The following PEAK1 variants were observed in gnomAD, a reference collection of about 807,000 sequenced individuals.
PEAK1 encodes the protein pseudopodium enriched atypical kinase 1.
In PEAK1, 54 loss-of-function variants were observed where a neutral mutation model predicts 124.7. The ratio of observed to expected loss-of-function variants is 0.43; its 90% CI spans 0.35 to 0.54. PEAK1 has a LOEUF of 0.54. PEAK1 is among the 20% of genes least tolerant of loss of function. The pLI is 0.01. For missense variants in PEAK1, 2,046 were observed against 2,134.5 expected (o/e 0.96, Z 0.82); for synonymous variants, 719 against 760.0 (o/e 0.95, Z 0.89).
chr15:77,347,969 G>T (rs2066968675), intron 2 of PEAK1: 1 of 984,792 alleles, frequency 1.0e-6, no homozygotes, highest in African/African-American at 1.8e-5. Flanking sequence ...TACTGTATAG[G>T]TTGCATAATG....
intron 5 of PEAK1, among the ~76,000 whole-genome samples, chr15:77,281,031 C>T (rs918781889): frequency 6.6e-6 from 1 of 151,856 alleles, no homozygotes; most frequent in Non-Finnish European, 1.5e-5. Flanking sequence ...GGGGTGACAC[C>T]GGTAATCCTA....
At chr15:77,274,479 T>C (rs2062204707) in intron 5 of PEAK1, among the ~76,000 whole-genome samples, 1 of 151,650 alleles carries the variant, frequency 6.6e-6, no homozygotes, top group Non-Finnish European at 1.5e-5. Flanking sequence ...CAAAAGAAGA[T>C]ATACAAATGG....
intron 2 of PEAK1, chr15:77,337,934 T>C: frequency 1.0e-6 from 1 of 984,440 alleles, no homozygotes. Flanking sequence ...TTGGGGGTGC[T>C]GATAGAAAAA....
At chr15:77,297,007 T>C (rs141423221) in intron 2 of PEAK1, among the ~76,000 whole-genome samples, 1 of 151,900 alleles carries the variant, frequency 6.6e-6, no homozygotes, top group African/African-American at 2.4e-5. Flanking sequence ...ATGACCAAAA[T>C]TGGACTTAAT....
At chr15:77,313,722 G>GTATA (rs1322968176) in intron 2 of PEAK1, among the ~76,000 whole-genome samples, 6 of 104,628 alleles carry the variant, frequency 5.7e-5, no homozygotes, top group African/African-American at 1.7e-4. Flanking sequence ...GTGTGTGTGT[G>GTATA]TGTGTATATA....
At chr15:77,163,211 A>G (rs2152795146) in intron 7 of PEAK1, among the ~76,000 whole-genome samples, 1 of 152,346 alleles carries the variant, frequency 6.6e-6, no homozygotes, top group African/African-American at 2.4e-5. Context: ...TCTTCAACCA[A>G]CTTTCCATTA....
chr15:77,277,632 ATTAT>A lies in PEAK1; in HGVS notation c.-275+6247_-275+6250del, dbSNP rs1342034868. Among the ~76,000 whole-genome samples the A allele has an allele frequency of 8.5e-5, 13 of 152,292 alleles. No homozygotes were observed. The South Asian group carries it at 2.3e-3, about 27-fold the overall frequency. ...TTTAAAAAGTGAATTAATTCTGTGA[ATTAT>A]TTAAGAGCTCACTAATAGGATCACC... On this transcript the variant is annotated intron_variant, in intron 5 of 9. Coordinates refer to ENST00000682557, the MANE Select transcript of PEAK1 (RefSeq NM_001385026.1).
rs11639197 is a variant in PEAK1, at chr15:77,110,886, G to A, written c.*3270C>T. On this transcript the variant is annotated 3_prime_UTR_variant, in exon 10 of 10. Transcript: ENST00000682557. ...AAAGGGCTCACCTCAGCCAGCACAG[G>A]AGGCTTCTTGAAGTTCTAGTCCTCT... 0.27 allele frequency: 40,952 copies of A among 152,212 alleles called. 6,531 individuals carry two copies. The highest frequency in any genetic ancestry group is 0.37 in the Non-Finnish European group (25,210 of 68,016). The allele number at this position is 152,212 out of a possible 1,614,324, so 9.4% of individuals were successfully genotyped here. A position where few individuals can be genotyped will look rare whatever the true frequency, so the allele number is the denominator to read the frequency against.
rs118103869 is a variant in PEAK1 at position 77,256,474 on chromosome 15, G to A, written c.-274-3948C>T. Reference sequence around the variant, plus strand: ...TACTAGGAATCTGATAGCTTACTGAGGAGATTTTTAATCATAAAGTAAGGG... The same window carrying A: ...TACTAGGAATCTGATAGCTTACTGAAGAGATTTTTAATCATAAAGTAAGGG... On this transcript the variant is annotated intron_variant, in intron 5 of 9. Coordinates refer to ENST00000682557, the MANE Select transcript of PEAK1 (RefSeq NM_001385026.1). Among the ~76,000 whole-genome samples the A allele has an allele frequency of 7.1e-3, 1,084 of 152,040 alleles. 7 individuals are homozygous for A. Among genetic ancestry groups the A allele is most frequent in the South Asian group, 0.017 (83 of 4,812 alleles).
At chr15:77,417,346 T>C (rs1397054643) in intron 1 of PEAK1, 27 of 983,534 alleles carry the variant, frequency 2.7e-5, no homozygotes, top group Non-Finnish European at 3.1e-5. Flanking sequence ...TGAAGGTTAC[T>C]AGGATTTCTA....
At chr15:77,171,758 C>T (rs1340866078) in intron 7 of PEAK1, among the ~76,000 whole-genome samples, 2 of 152,128 alleles carry the variant, frequency 1.3e-5, no homozygotes, top group Non-Finnish European at 2.9e-5. Context: ...GCTCACTTTA[C>T]ATTATATGTA....
intron 8 of PEAK1, among the ~76,000 whole-genome samples, chr15:77,142,074 T>C (rs1381391068): frequency 6.6e-6 from 1 of 152,316 alleles, no homozygotes; most frequent in East Asian, 1.9e-4. Flanking sequence ...GGAGAAAATA[T>C]GTTCAAATTA....
At chr15:77,249,084 A>G (rs1202431075) in intron 6 of PEAK1, among the ~76,000 whole-genome samples, 3 of 152,026 alleles carry the variant, frequency 2.0e-5, no homozygotes, top group Non-Finnish European at 1.5e-5. Flanking sequence ...CGGCCTCCCA[A>G]AGTGTTGGGT....
intron 6 of PEAK1, among the ~76,000 whole-genome samples, chr15:77,231,275 T>C (rs1231452823): frequency 6.6e-6 from 1 of 152,158 alleles, no homozygotes; most frequent in Non-Finnish European, 1.5e-5. Flanking sequence ...TATAATAGGC[T>C]CCACTAATTT....
intron 8 of PEAK1, among the ~76,000 whole-genome samples, chr15:77,154,246 T>C (rs2054918251): frequency 6.6e-6 from 1 of 152,242 alleles, no homozygotes; most frequent in Admixed American, 6.5e-5. Flanking sequence ...GTAATGGCCT[T>C]CTTTGTCTCT....
chr15:77,252,856 A>G (rs545401443), intron 5 of PEAK1, among the ~76,000 whole-genome samples: 17 of 152,156 alleles, frequency 1.1e-4, no homozygotes, highest in Non-Finnish European at 2.1e-4. Context: ...AAGTCATTAA[A>G]CTCGAACTTT....
chr15:77,368,659 G>T (rs2068432393), intron 1 of PEAK1, among the ~76,000 whole-genome samples: 1 of 152,124 alleles, frequency 6.6e-6, no homozygotes, highest in South Asian at 2.1e-4. Flanking sequence ...CAAAGAGCAA[G>T]AAGTGTTTGA....
intron 1 of PEAK1, among the ~76,000 whole-genome samples, chr15:77,400,255 T>C (rs115778710): frequency 6.6e-6 from 1 of 152,020 alleles, no homozygotes; most frequent in Non-Finnish European, 1.5e-5. Flanking sequence ...TTTTTGGACA[T>C]TCCTCAAAAA....
chr15:77,383,614 T>C (rs2069672911), intron 1 of PEAK1, among the ~76,000 whole-genome samples: 1 of 152,200 alleles, frequency 6.6e-6, no homozygotes, highest in Non-Finnish European at 1.5e-5. Flanking sequence ...TACCCAAGGC[T>C]ATACTCAGTT....
Sources: gnomAD v4.1 joint callset for allele counts (sites outside exome capture counted in the v4.1 genomes callset) on GRCh38, gnomAD v4.1.1 for gene constraint, MANE v1.5 for transcripts, NCBI Gene and HGNC (gene_info 2026-07-23, HGNC 2026-07-21) for gene names.